DYTN: variants seen among roughly 807,000 people sequenced by gnomAD.
DYTN encodes dystrotelin.
Under a neutral mutation model 69.6 loss-of-function variants are expected in DYTN, and 75 were observed. That is an observed-to-expected ratio of 1.08 (90% CI 0.89 to 1.31). The LOEUF is 1.31. DYTN is among the 50% of genes most tolerant of loss of function. The probability of loss-of-function intolerance (pLI) is 0.00; values close to 1 mark genes in which losing one functional copy is unlikely to be tolerated. For missense variants in DYTN, 726 were observed against 688.4 expected (o/e 1.05, Z -0.61); for synonymous variants, 252 against 249.1 (o/e 1.01, Z -0.11).
chr2:206,690,022 TAATA>T (rs1215102027), intron 9 of DYTN, among the ~76,000 whole-genome samples: 1 of 152,110 alleles, frequency 6.6e-6, no homozygotes, highest in Non-Finnish European at 1.5e-5. Flanking sequence ...CAGCAATAAA[TAATA>T]AATAAGTAAG....
intron 9 of DYTN, among the ~76,000 whole-genome samples, chr2:206,680,140 C>T (rs1172144508): frequency 6.6e-6 from 1 of 152,228 alleles, no homozygotes; most frequent in Non-Finnish European, 1.5e-5. Flanking sequence ...CACAGTTCCA[C>T]ATGGCTGGGG....
rs556442082 is a variant in DYTN at position 206,698,436 on chromosome 2, A to G, written c.719+1291T>C. On this transcript the variant is annotated intron_variant, in intron 7 of 11. Transcript: ENST00000452335. The stretch of plus-strand genomic sequence containing the variant: ...GGAAGCATGGGAAGGGAAGGGGAAC[A>G]AAGTGAGCAGGAGCTGAGTCCTGAG... 1.8e-4 allele frequency among the ~76,000 whole-genome samples: 28 copies of G among 152,298 alleles called. 1 individual carries two copies. The highest frequency in any genetic ancestry group is 3.4e-4 in the Non-Finnish European group (23 of 68,020).
At position 206,718,336 on chromosome 2, in the gene DYTN, C is replaced by A. The variant is rs925648035; in HGVS notation, c.-57G>T. ...GTGGGTCCCTGTAACTAGAAATGAA[C>A]CAGTATTTTAAGCAGAAGGTTTTGC... On this transcript the variant is annotated 5_prime_UTR_variant, in exon 1 of 12. Transcript: ENST00000452335. The A allele has an allele frequency of 2.7e-5, 42 of 1,570,896 alleles. No individual in the cohort carries two copies. In the African/African-American group the frequency reaches 4.8e-4, roughly 18 times the overall value.
chr2:206,708,044 G>C (rs1185327048), intron 2 of DYTN, among the ~76,000 whole-genome samples: 1 of 152,146 alleles, frequency 6.6e-6, no homozygotes, highest in African/African-American at 2.4e-5. Flanking sequence ...AAGATCTTTA[G>C]GCTAAAGAGT....
chr2:206,705,091 G>A, intron 4 of DYTN, 148 bp from the exon 5 acceptor site: 1 of 661,326 alleles, frequency 1.5e-6, no homozygotes, highest in Non-Finnish European at 2.6e-6. Flanking sequence ...CTATTATGAA[G>A]GCCTCCAAAA....
intron 3 of DYTN, among the ~76,000 whole-genome samples, chr2:206,707,009 C>T (rs1271548969): frequency 1.3e-5 from 2 of 151,540 alleles, no homozygotes; most frequent in East Asian, 1.9e-4. Flanking sequence ...GAAGTGTAAA[C>T]GCCCTAGCAA....
chr2:206,701,744 T>A (rs899025432), intron 5 of DYTN, among the ~76,000 whole-genome samples: 9 of 152,184 alleles, frequency 5.9e-5, no homozygotes, highest in African/African-American at 1.9e-4. Context: ...CTGTATTGTT[T>A]ACTTGAGAAT....
Position 206,663,299 on chromosome 2 carries a change from C to T in DYTN, c.1237G>A (p.Asp413Asn). 1 of 1,614,006 alleles carries T rather than the reference C, an allele frequency of 6.2e-7. No individual in the cohort carries two copies. The highest frequency in any genetic ancestry group is 1.3e-5 in the African/African-American group (1 of 75,054). Reference protein sequence around the residue: ...SSTEKVPKGGDYLQIKNATED... With the variant: ...SSTEKVPKGGNYLQIKNATED... ...GTGGCATTCTTGATCTGCAAATAAT[C>T]CCCTCCCTTTGGAACCTTTTCAGTT... is the stretch of plus-strand genomic sequence containing the variant. Residue 413 changes from aspartate (D) to asparagine (N), a missense_variant, in exon 11 of 12, where the codon GAT becomes AAT. Coordinates refer to ENST00000452335, the MANE Select transcript of DYTN (RefSeq NM_001093730.1).
chr2:206,672,565 G>GA (rs1373607843), intron 9 of DYTN, among the ~76,000 whole-genome samples: 10 of 152,228 alleles, frequency 6.6e-5, no homozygotes, highest in African/African-American at 2.4e-4. Flanking sequence ...GAGCTGATGA[G>GA]TAAAATGCAG....
chr2:206,699,753 G>A lies in DYTN; in HGVS notation c.693C>T (p.Cys231=), dbSNP rs779231533. The A allele has an allele frequency of 6.8e-6, 11 of 1,613,672 alleles. No homozygotes were observed. In the East Asian group the frequency reaches 2.5e-4, roughly 36 times the overall value. The change falls in exon 7 of 12, where the codon TGC becomes TGT. Residue 231 remains cysteine (C), a synonymous_variant. Transcript: ENST00000452335. ...RVTHPARCTL[C]RTFPITGLRY... The stretch of plus-strand genomic sequence containing the variant: ...TGAGTCCCGTGATTGGGAAAGTCCT[G>A]CAGAGAGTGCACCGAGCAGGGTGAG...
Position 206,693,184 on chromosome 2 carries a change from G to A in DYTN, c.971C>T (p.Ala324Val), listed in dbSNP as rs376262781. ...QVNPKGVPHH[A>V]QARLLKKQLN... is the part of the protein sequence containing the mutation. Reference sequence around the variant, plus strand: ...CCTCGCAGCCACTCACCTGGCCTGCGCATGGTGAGGCACACCCTTTGGATT... The same window carrying A: ...CCTCGCAGCCACTCACCTGGCCTGCACATGGTGAGGCACACCCTTTGGATT... Residue 324 changes from alanine to valine, a missense_variant, in exon 9 of 12, where the codon GCG (alanine) becomes GTG (valine). Physicochemically the swap from Ala to Val is moderately conservative, Grantham distance 64. Coordinates refer to ENST00000452335, the MANE Select transcript of DYTN (RefSeq NM_001093730.1). 11 of 1,610,302 alleles carry A rather than the reference G, an allele frequency of 6.8e-6. No individual in the cohort carries two copies. The highest frequency in any genetic ancestry group is 5.0e-5 in the Admixed American group (3 of 59,748).
intron 9 of DYTN, among the ~76,000 whole-genome samples, chr2:206,688,613 G>A (rs74654809): frequency 0.2 from 30,263 of 152,068 alleles, 3,251 homozygotes; most frequent in African/African-American, 0.26. Context: ...AGCACCAGGA[G>A]TGTTAATTTT....
chr2:206,692,118 C>T lies in DYTN; in HGVS notation c.980+1057G>A, dbSNP rs188568314. On this transcript the variant is annotated intron_variant, in intron 9 of 11. Coordinates refer to ENST00000452335, the MANE Select transcript of DYTN (RefSeq NM_001093730.1). ...TAGTGAGACCCCCATCTCTATAAAACACAAATATAAAAATTCAGCGAGCAT... is the reference window on the plus strand; with the variant it reads ...TAGTGAGACCCCCATCTCTATAAAATACAAATATAAAAATTCAGCGAGCAT... Among the ~76,000 whole-genome samples the T allele has an allele frequency of 1.7e-4, 26 of 151,992 alleles. No individual in the cohort carries two copies. The East Asian group carries it at 5.0e-3, about 29-fold the overall frequency.
intron 9 of DYTN, among the ~76,000 whole-genome samples, chr2:206,673,554 C>G (rs548537241): frequency 1.3e-5 from 2 of 151,630 alleles, no homozygotes; most frequent in African/African-American, 4.9e-5. Flanking sequence ...CCACGCCTGG[C>G]CGGTTCTCCG....
chr2:206,689,461 A>G (rs1207163168), intron 9 of DYTN, among the ~76,000 whole-genome samples: 1 of 152,226 alleles, frequency 6.6e-6, no homozygotes, highest in Non-Finnish European at 1.5e-5. Flanking sequence ...AGTCTAGGGT[A>G]CACTGAAAAT....
chr2:206,709,550 T>G (rs1237046709), intron 2 of DYTN, among the ~76,000 whole-genome samples: 2 of 152,072 alleles, frequency 1.3e-5, no homozygotes, highest in Non-Finnish European at 2.9e-5. Flanking sequence ...GGTCTTTGAA[T>G]CGTCCCACCT....
chr2:206,694,525 C>T (rs764143283), intron 8 of DYTN, among the ~76,000 whole-genome samples: 4 of 152,180 alleles, frequency 2.6e-5, no homozygotes, highest in African/African-American at 4.8e-5. Context: ...TGATCAATCA[C>T]TTCAGACTGA....
intron 9 of DYTN, among the ~76,000 whole-genome samples, chr2:206,686,239 C>A (rs1451493300): frequency 6.6e-6 from 1 of 152,084 alleles, no homozygotes; most frequent in Non-Finnish European, 1.5e-5. Flanking sequence ...AGGTAAGTCA[C>A]AGGAAACGTT....
intron 9 of DYTN, among the ~76,000 whole-genome samples, chr2:206,680,084 T>C (rs568344047): frequency 6.6e-6 from 1 of 152,172 alleles, no homozygotes; most frequent in Non-Finnish European, 1.5e-5. Context: ...TGTGAAGAAA[T>C]ACCCGAGATG....
Sources: gnomAD v4.1 joint callset for allele counts (sites outside exome capture counted in the v4.1 genomes callset) on GRCh38, gnomAD v4.1.1 for gene constraint, MANE v1.5 for transcripts, NCBI Gene and HGNC (gene_info 2026-07-23, HGNC 2026-07-21) for gene names.